PCDHA10: variants seen among roughly 807,000 people sequenced by gnomAD.
PCDHA10 encodes protocadherin alpha 10.
A neutral mutation model predicts 61.2 loss-of-function variants in PCDHA10; 45 were observed. That is an observed-to-expected ratio of 0.74 (90% CI 0.58 to 0.94). PCDHA10 has a LOEUF of 0.94. PCDHA10 is among the 40% of genes least tolerant of loss of function. The pLI is 0.00. For synonymous variants in PCDHA10, 602 were observed against 548.8 expected (o/e 1.10, Z -1.35); for missense variants, 1,278 against 1,236.2 (o/e 1.03, Z -0.51).
intron 1 of PCDHA10, among the ~76,000 whole-genome samples, chr5:140,942,981 G>A (rs1242135518): frequency 6.6e-6 from 1 of 152,048 alleles, no homozygotes; most frequent in Non-Finnish European, 1.5e-5. Context: ...TTGGGGCTGG[G>A]TGTGGTGGCT....
At chr5:140,954,427 C>T (rs545024696) in intron 1 of PCDHA10, among the ~76,000 whole-genome samples, 1 of 152,200 alleles carries the variant, frequency 6.6e-6, no homozygotes, top group Admixed American at 6.5e-5. Context: ...CCTTTTTCTC[C>T]ATCTGTTGTT....
chr5:140,927,682 T>C, intron 1 of PCDHA10: 1 of 1,613,992 alleles, frequency 6.2e-7, no homozygotes, highest in Non-Finnish European at 8.5e-7. Flanking sequence ...AGATGAAGGG[T>C]CCAATGGGGA....
chr5:140,871,433 T>C (rs2053076165), intron 1 of PCDHA10: 3 of 1,612,290 alleles, frequency 1.9e-6, no homozygotes, highest in Non-Finnish European at 2.5e-6. Flanking sequence ...AGTCTTCCTC[T>C]AGGTCTGAAT....
rs184768008 is a variant in PCDHA10 at position 140,933,949 on chromosome 5, G to C, written c.2389-45000G>C. ...GTTGTGACTTTTTTTCACATCTGCA[G>C]GATCTGTAGTGATGTTTCCCTTTTC... On this transcript the variant is annotated intron_variant, in intron 1 of 3. Coordinates refer to ENST00000307360, the MANE Select transcript of PCDHA10 (RefSeq NM_018901.4). Among the ~76,000 whole-genome samples the C allele has an allele frequency of 8.5e-4, 129 of 151,910 alleles. 1 individual carries two copies. The highest frequency in any genetic ancestry group is 3.0e-3 in the African/African-American group (123 of 41,458).
intron 1 of PCDHA10, among the ~76,000 whole-genome samples, chr5:140,891,121 T>C (rs74535477): frequency 0.041 from 6,261 of 152,308 alleles, 144 homozygotes; most frequent in Middle Eastern, 0.061. Context: ...TCAATCTAAA[T>C]GTCATTCCTT....
chr5:140,968,185 C>T (rs1554230464), intron 1 of PCDHA10: 1 of 1,614,034 alleles, frequency 6.2e-7, no homozygotes, highest in East Asian at 2.2e-5. Context: ...TGGAGGACTC[C>T]TATTCCATCT....
chr5:140,978,906 T>C, intron 1 of PCDHA10, 43 bp from the exon 2 acceptor site: 1 of 1,613,530 alleles, frequency 6.2e-7, no homozygotes, highest in Non-Finnish European at 8.5e-7. Flanking sequence ...GGGAGAACAT[T>C]GTCTTGTCAT....
chr5:140,873,785 C>T (rs1035020245), intron 1 of PCDHA10, among the ~76,000 whole-genome samples: 2 of 152,146 alleles, frequency 1.3e-5, no homozygotes, highest in Non-Finnish European at 2.9e-5. Flanking sequence ...CTCAGCTTTC[C>T]GAGAAGCTGG....
chr5:140,917,633 A>T (rs537704186), intron 1 of PCDHA10, among the ~76,000 whole-genome samples: 1 of 152,268 alleles, frequency 6.6e-6, no homozygotes, highest in East Asian at 1.9e-4. Context: ...ATGGTTAGCT[A>T]GTTATCCCAG....
intron 1 of PCDHA10, among the ~76,000 whole-genome samples, chr5:140,888,151 CT>C (rs1247816625): frequency 4.6e-5 from 7 of 152,106 alleles, no homozygotes; most frequent in Non-Finnish European, 8.8e-5. Context: ...TTTTGCATGA[CT>C]GGTAATCTCT....
At chr5:140,875,094 T>C (rs1554167483) in intron 1 of PCDHA10, among the ~76,000 whole-genome samples, 1 of 152,258 alleles carries the variant, frequency 6.6e-6, no homozygotes. Flanking sequence ...AAATTGTTGA[T>C]GTTTTGTTAC....
At chr5:140,960,483 T>G (rs1554224788) in intron 1 of PCDHA10, among the ~76,000 whole-genome samples, 1 of 151,978 alleles carries the variant, frequency 6.6e-6, no homozygotes, top group Non-Finnish European at 1.5e-5. Flanking sequence ...TACACAGAGG[T>G]GTAGGTTTGT....
rs549880473 is a variant in PCDHA10, at chr5:140,972,926, T to C, written c.2389-6023T>C. Among the ~76,000 whole-genome samples the C allele has an allele frequency of 9.2e-5, 14 of 152,264 alleles. No individual in the cohort carries two copies. The East Asian group carries it at 2.7e-3, about 29-fold the overall frequency. On this transcript the variant is annotated intron_variant, in intron 1 of 3. Coordinates refer to ENST00000307360, the MANE Select transcript of PCDHA10 (RefSeq NM_018901.4). ...ATCCACCCGCCTTGGCCTCCCAAAG[T>C]GCTGGGATTACAGATGTGAGCCACC...
rs782392001 is a variant in PCDHA10 at position 140,857,340 on chromosome 5, C to G, written c.1292C>G (p.Ser431Trp). 2.5e-6 allele frequency: 4 copies of G among 1,598,236 alleles called. No individual in the cohort carries two copies. The South Asian group carries it at 4.4e-5, about 18-fold the overall frequency. ...ELVVTARDGG[S>W]PPLWATASVS... ...GTGGTGACCGCGCGGGACGGGGGCTCGCCTCCGCTGTGGGCCACGGCCAGC... is the reference window on the plus strand; with the variant it reads ...GTGGTGACCGCGCGGGACGGGGGCTGGCCTCCGCTGTGGGCCACGGCCAGC... Residue 431 changes from serine to tryptophan, a missense_variant, in exon 1 of 4, where the codon TCG becomes TGG. By Grantham distance (177) the Ser-to-Trp change is radical. Coordinates refer to ENST00000307360, the MANE Select transcript of PCDHA10 (RefSeq NM_018901.4).
chr5:140,927,478 C>T (rs959432734), intron 1 of PCDHA10: 12 of 1,613,944 alleles, frequency 7.4e-6, no homozygotes, highest in African/African-American at 1.3e-5. Flanking sequence ...TCGCGAACAG[C>T]GCGCCACCCA....
chr5:140,923,110 A>G (rs2081174881), intron 1 of PCDHA10, among the ~76,000 whole-genome samples: 1 of 152,184 alleles, frequency 6.6e-6, no homozygotes, highest in South Asian at 2.1e-4. Flanking sequence ...TATGATTTTA[A>G]GTTTTTAGGG....
rs565095262 is a variant in PCDHA10, at chr5:140,873,057, T to C, written c.2388+14621T>C. 8.5e-4 allele frequency among the ~76,000 whole-genome samples: 129 copies of C among 152,336 alleles called. 1 individual carries two copies. Among genetic ancestry groups the C allele is most frequent in the Middle Eastern group, 3.4e-3 (1 of 294 alleles). ...TAGAGTGGTGGTATTACAGACTTTC[T>C]TGAGAATCATATCTAGCTATTTCCC... On this transcript the variant is annotated intron_variant, in intron 1 of 3. Transcript: ENST00000307360.
rs191873949 is a variant in PCDHA10 at position 140,855,986 on chromosome 5, G to T, written c.-63G>T. On this transcript the variant is annotated 5_prime_UTR_variant, in exon 1 of 4. An upstream start codon of the reference 5' UTR is lost. Transcript: ENST00000307360. ...AGATATAAGAAATAGGACAGAAAATGTCAGATCGTATGTGCGTTCTAGACC... is the reference window on the plus strand; with the variant it reads ...AGATATAAGAAATAGGACAGAAAATTTCAGATCGTATGTGCGTTCTAGACC... The T allele has an allele frequency of 1.8e-5, 27 of 1,477,576 alleles. 1 individual carries two copies. Among genetic ancestry groups the T allele is most frequent in the South Asian group, 1.6e-4 (12 of 75,402 alleles). The allele number at this position is 1,477,576 out of a possible 1,614,324, so 91.5% of individuals were successfully genotyped here. A position where few individuals can be genotyped will look rare whatever the true frequency, so the allele number is the denominator to read the frequency against.
At chr5:140,871,141 C>A (rs1431247385) in intron 1 of PCDHA10, 2 of 1,613,438 alleles carry the variant, frequency 1.2e-6, no homozygotes, top group Non-Finnish European at 1.7e-6. Context: ...GGCCTCTTCC[C>A]GGACTTTGGC....
Sources: gnomAD v4.1 joint callset for allele counts (sites outside exome capture counted in the v4.1 genomes callset) on GRCh38, gnomAD v4.1.1 for gene constraint, MANE v1.5 for transcripts, NCBI Gene and HGNC (gene_info 2026-07-23, HGNC 2026-07-21) for gene names.